B3GLCT: variants seen among roughly 807,000 people sequenced by gnomAD.
The protein encoded by B3GLCT is beta-1,3-glucosyltransferase.
B3GLCT carries 65 observed loss-of-function variants against 63.4 expected under a neutral mutation model. The ratio of observed to expected loss-of-function variants is 1.03; its 90% CI spans 0.84 to 1.26. The LOEUF (loss-of-function observed/expected upper bound fraction) is 1.26. B3GLCT is among the 50% of genes most tolerant of loss of function. B3GLCT has a pLI of 0.00. For synonymous variants in B3GLCT, 233 were observed against 219.2 expected, an observed-to-expected ratio of 1.06 and a Z score of -0.55; for missense variants, 577 against 604.8, an observed-to-expected ratio of 0.95 and a Z score of 0.48.
intron 5 of B3GLCT, 53 bp from the exon 6 acceptor site, chr13:31,247,802 A>G: frequency 1.1e-6 from 1 of 917,006 alleles, no homozygotes; most frequent in Non-Finnish European, 1.8e-6. Flanking sequence ...TTTAAACCTT[A>G]TTATTAACTT....
At chr13:31,224,813 A>G (rs1020778775) in intron 3 of B3GLCT, among the ~76,000 whole-genome samples, 8 of 152,144 alleles carry the variant, frequency 5.3e-5, no homozygotes, top group South Asian at 2.1e-4. Flanking sequence ...TCAGAAGTAC[A>G]TCGTATTGGT....
At chr13:31,316,917 T>A (rs775480310) in intron 12 of B3GLCT, among the ~76,000 whole-genome samples, 1 of 152,150 alleles carries the variant, frequency 6.6e-6, no homozygotes, top group Non-Finnish European at 1.5e-5. Context: ...TTGTTGGTAA[T>A]GTGTGTTAAA....
rs1868546901 is a variant in B3GLCT at position 31,200,018 on chromosome 13, GCAGCTCCGC to G, written c.-66_-58del. The G allele has an allele frequency of 6.7e-6, 7 of 1,040,148 alleles. No homozygotes were observed. Among genetic ancestry groups the G allele is most frequent in the Non-Finnish European group, 6.1e-6 (5 of 815,662 alleles). 64.4% of individuals were successfully genotyped at this position (1,040,148 alleles called of 1,614,324 possible). A position where few individuals can be genotyped will look rare whatever the true frequency, so the allele number is the denominator to read the frequency against. Reference sequence around the variant, plus strand: ...GCGGCAGGGCGGCGGCGGCAGCGGCGCAGCTCCGCTCCCCGCGCGTCTCCCTTCCCCGCG... The same window carrying G: ...GCGGCAGGGCGGCGGCGGCAGCGGCGTCCCCGCGCGTCTCCCTTCCCCGCG... On this transcript the variant is annotated 5_prime_UTR_variant, in exon 1 of 15. Transcript: ENST00000343307.
rs1285584958 is a variant in B3GLCT at position 31,275,801 on chromosome 13, A to G, written c.781-901A>G. Among the ~76,000 whole-genome samples the G allele has an allele frequency of 4.6e-5, 7 of 151,812 alleles. No individual in the cohort carries two copies. The South Asian group carries it at 1.2e-3, about 27-fold the overall frequency. ...AATACATAGACACACACACACACGC[A>G]CACACACACACCCCAAAACACAGTG... On this transcript the variant is annotated intron_variant, in intron 9 of 14. Coordinates refer to ENST00000343307, the MANE Select transcript of B3GLCT (RefSeq NM_194318.4).
intron 7 of B3GLCT, among the ~76,000 whole-genome samples, chr13:31,265,586 A>G (rs574215785): frequency 6.6e-6 from 1 of 152,200 alleles, no homozygotes; most frequent in African/African-American, 2.4e-5. Flanking sequence ...ACAATTCCAC[A>G]TCAGTTTTGA....
chr13:31,253,237 C>T (rs1455536477), intron 6 of B3GLCT, among the ~76,000 whole-genome samples: 3 of 152,046 alleles, frequency 2.0e-5, no homozygotes, highest in Non-Finnish European at 2.9e-5. Context: ...ATCTATAGCA[C>T]TAAATGCCCA....
At chr13:31,317,379 T>C (rs1699473266) in intron 12 of B3GLCT, among the ~76,000 whole-genome samples, 187 bp from the exon 13 acceptor site, 1 of 152,250 alleles carries the variant, frequency 6.6e-6, no homozygotes, top group African/African-American at 2.4e-5. Flanking sequence ...ACAGTGTTCA[T>C]GCATTCTTTT....
intron 4 of B3GLCT, among the ~76,000 whole-genome samples, chr13:31,244,580 C>T (rs976934805): frequency 2.0e-5 from 3 of 151,936 alleles, no homozygotes; most frequent in Admixed American, 6.6e-5. Flanking sequence ...CTTATGATGG[C>T]GATAGATGGA....
intron 8 of B3GLCT, among the ~76,000 whole-genome samples, chr13:31,271,102 C>CT (rs1249197748): frequency 6.6e-6 from 1 of 152,266 alleles, no homozygotes; most frequent in Non-Finnish European, 1.5e-5. Flanking sequence ...CTCCAGTCCA[C>CT]TGCAGGCATG....
At chr13:31,272,381 AT>A (rs997843643) in intron 8 of B3GLCT, among the ~76,000 whole-genome samples, 1 of 150,862 alleles carries the variant, frequency 6.6e-6, no homozygotes, top group African/African-American at 2.4e-5. Context: ...TGCCCGGCTA[AT>A]TTTTTTTGTA....
chr13:31,281,625 G>T (rs896803744), intron 10 of B3GLCT, among the ~76,000 whole-genome samples: 3 of 152,112 alleles, frequency 2.0e-5, no homozygotes, highest in Non-Finnish European at 4.4e-5. Flanking sequence ...TCAGGCTTAG[G>T]TACACCTCAG....
Position 31,318,030 on chromosome 13 carries a change from T to C in B3GLCT, c.1184+345T>C, listed in dbSNP as rs182971416. Among the ~76,000 whole-genome samples the C allele has an allele frequency of 7.9e-4, 120 of 152,174 alleles. No homozygotes were observed. The East Asian group carries it at 8.9e-3, about 11-fold the overall frequency. ...TCTCAGAGAATAAGCCATTAGACTA[T>C]TAAATTATGTAATGCTTAATAAATC... On this transcript the variant is annotated intron_variant, in intron 13 of 14. Coordinates refer to ENST00000343307, the MANE Select transcript of B3GLCT (RefSeq NM_194318.4).
rs559391760 is a variant in B3GLCT at position 31,317,521 on chromosome 13, G to A, written c.1065-45G>A. 8.1e-5 allele frequency: 130 copies of A among 1,611,538 alleles called. 3 individuals are homozygous for A. In the Middle Eastern group the frequency reaches 1.2e-3, roughly 14 times the overall value. On this transcript the variant is annotated intron_variant, in intron 12 of 14. Coordinates refer to ENST00000343307, the MANE Select transcript of B3GLCT (RefSeq NM_194318.4). ...GAACCATAAACTGTTCCATAACCACGTTTGAATCAAATAATCATGATTTGT... is the reference window on the plus strand; with the variant it reads ...GAACCATAAACTGTTCCATAACCACATTTGAATCAAATAATCATGATTTGT...
At chr13:31,203,066 C>T (rs1189718436) in intron 1 of B3GLCT, among the ~76,000 whole-genome samples, 3 of 152,120 alleles carry the variant, frequency 2.0e-5, no homozygotes, top group African/African-American at 7.2e-5. Flanking sequence ...TTTCACATGC[C>T]TGTCTGTCAC....
At chr13:31,276,835 C>A in intron 10 of B3GLCT, 64 bp downstream of exon 10, 2 of 1,184,934 alleles carry the variant, frequency 1.7e-6, no homozygotes, top group Non-Finnish European at 2.5e-6. Context: ...AAGAAAAGTA[C>A]CAATGAATTC....
At chr13:31,297,079 A>G (rs1873986190) in intron 12 of B3GLCT, among the ~76,000 whole-genome samples, 1 of 148,898 alleles carries the variant, frequency 6.7e-6, no homozygotes, top group Non-Finnish European at 1.5e-5. Context: ...TTCGAAATTT[A>G]TCCGTGTTGT....
chr13:31,222,074 ATTTTT>A (rs5802597), intron 2 of B3GLCT, among the ~76,000 whole-genome samples: 4 of 92,948 alleles, frequency 4.3e-5, no homozygotes, highest in African/African-American at 1.3e-4. Flanking sequence ...TGTGCTCCTG[ATTTTT>A]TTTTTTTTTT....
Position 31,247,095 on chromosome 13 carries a change from C to G in B3GLCT, c.343C>G (p.Pro115Ala), listed in dbSNP as rs1871231675. The G allele has an allele frequency of 6.2e-7, 1 of 1,612,318 alleles. No homozygotes were observed. Among genetic ancestry groups the G allele is most frequent in the Non-Finnish European group, 8.5e-7 (1 of 1,178,660 alleles). ...EGAWTILPLL[P>A]HFSVTYSRNS... ...TGCATGGACCATACTTCCGTTGTTA[C>G]CGCAGTACGTTTGTTTAACTCACCT... The change falls in exon 5 of 15, where the codon CCG becomes GCG. Residue 115 changes from proline to alanine, a missense_variant. Pro to Ala is a conservative substitution (Grantham distance 27). Transcript: ENST00000343307.
intron 6 of B3GLCT, among the ~76,000 whole-genome samples, chr13:31,259,756 C>T (rs1871926712): frequency 6.6e-6 from 1 of 151,878 alleles, no homozygotes; most frequent in Non-Finnish European, 1.5e-5. Flanking sequence ...AAAGGAGGGG[C>T]TCCCATGGAT....
Sources: allele counts gnomAD v4.1 joint callset (sites outside exome capture counted in the v4.1 genomes callset), GRCh38; gene constraint gnomAD v4.1.1; transcripts MANE v1.5; gene names NCBI Gene and HGNC (gene_info 2026-07-23, HGNC 2026-07-21).